Variants in KCNH5 observed in about 807,000 individuals in gnomAD.
KCNH5 encodes the protein potassium voltage-gated channel subfamily H member 5, also known as voltage-gated delayed rectifier potassium channel KCNH5.
Under a neutral mutation model 96.1 loss-of-function variants are expected in KCNH5, and 46 were observed. The ratio of observed to expected loss-of-function variants is 0.48; its 90% CI spans 0.38 to 0.61. The LOEUF is 0.61. KCNH5 is among the 20% of genes least tolerant of loss of function. The probability of loss-of-function intolerance (pLI) is 0.00; values close to 1 mark genes in which losing one functional copy is unlikely to be tolerated. For missense variants in KCNH5, 907 were observed against 1,225.8 expected (o/e 0.74, Z 3.88); for synonymous variants, 439 against 449.8 (o/e 0.98, Z 0.30).
intron 2 of KCNH5, among the ~76,000 whole-genome samples, chr14:63,009,095 A>C (rs913492584): frequency 6.6e-6 from 1 of 152,254 alleles, no homozygotes; most frequent in African/African-American, 2.4e-5. Flanking sequence ...GTGGTTCAAT[A>C]AACTGAAACA....
intron 10 of KCNH5, among the ~76,000 whole-genome samples, chr14:62,754,816 A>G (rs1885583698): frequency 6.6e-6 from 1 of 152,024 alleles, no homozygotes; most frequent in Non-Finnish European, 1.5e-5. Context: ...CAGAGGTTGC[A>G]GTGAGCTGAA....
intron 8 of KCNH5, among the ~76,000 whole-genome samples, chr14:62,820,998 C>T (rs1172145212): frequency 6.6e-6 from 1 of 152,016 alleles, no homozygotes; most frequent in African/African-American, 2.4e-5. Context: ...TTTACACTCC[C>T]ACCAACAGTG....
At chr14:63,039,131 C>G (rs1330151067) in intron 1 of KCNH5, among the ~76,000 whole-genome samples, 2 of 151,942 alleles carry the variant, frequency 1.3e-5, no homozygotes, top group African/African-American at 4.8e-5. Context: ...CCCATTAAAA[C>G]CAAAATTGTG....
intron 8 of KCNH5, among the ~76,000 whole-genome samples, chr14:62,830,684 G>A (rs939959556): frequency 6.6e-6 from 1 of 152,124 alleles, no homozygotes; most frequent in African/African-American, 2.4e-5. Context: ...CCTAAGATGT[G>A]AGTATTAAAA....
chr14:62,949,568 C>G (rs1457163209), intron 7 of KCNH5, among the ~76,000 whole-genome samples: 8 of 152,120 alleles, frequency 5.3e-5, no homozygotes, highest in Admixed American at 3.9e-4. Context: ...CTGTTAAATC[C>G]TAGACACTTC....
In KCNH5 at chr14:62,784,533, C is replaced by T. The variant is rs144567521; in HGVS notation, c.1823-4609G>A. Among the ~76,000 whole-genome samples the T allele has an allele frequency of 2.6e-3, 392 of 152,156 alleles. 2 individuals carry two copies. Among genetic ancestry groups the T allele is most frequent in the African/African-American group, 8.8e-3 (365 of 41,518 alleles). ...CCTACTGTATGTTTTCCAAATTTTT[C>T]TACATTAAAAAACAGCAAACCATTT... On this transcript the variant is annotated intron_variant, in intron 9 of 10. Transcript: ENST00000322893.
At chr14:62,904,505 T>A (rs1372390931) in intron 7 of KCNH5, among the ~76,000 whole-genome samples, 1 of 152,154 alleles carries the variant, frequency 6.6e-6, no homozygotes, top group African/African-American at 2.4e-5. Flanking sequence ...CCTATGGTCC[T>A]CAATGGTTTC....
intron 7 of KCNH5, among the ~76,000 whole-genome samples, chr14:62,941,455 A>G (rs1407939961): frequency 6.6e-6 from 1 of 152,160 alleles, no homozygotes; most frequent in Non-Finnish European, 1.5e-5. Flanking sequence ...CACATCTGAG[A>G]CTGCTAAACC....
intron 7 of KCNH5, among the ~76,000 whole-genome samples, chr14:62,930,424 A>G (rs555412226): frequency 6.6e-6 from 1 of 152,256 alleles, no homozygotes; most frequent in East Asian, 1.9e-4. Flanking sequence ...CATACTGTAT[A>G]AACCTATTTA....
At chr14:62,842,712 T>C (rs1205443952) in intron 8 of KCNH5, among the ~76,000 whole-genome samples, 1 of 152,196 alleles carries the variant, frequency 6.6e-6, no homozygotes, top group Non-Finnish European at 1.5e-5. Flanking sequence ...TTAGACATTC[T>C]GAATCCTAAT....
chr14:62,971,117 T>C (rs1199509531), intron 6 of KCNH5, among the ~76,000 whole-genome samples: 1 of 151,994 alleles, frequency 6.6e-6, no homozygotes. Context: ...ATGTAGAAAA[T>C]ATGAATAAAT....
At chr14:62,792,156 T>C (rs1433980250) in intron 9 of KCNH5, among the ~76,000 whole-genome samples, 7 of 151,594 alleles carry the variant, frequency 4.6e-5, no homozygotes, top group Admixed American at 4.0e-4. Context: ...ATAGTTTTAT[T>C]AGAATAAAAT....
intron 9 of KCNH5, among the ~76,000 whole-genome samples, chr14:62,801,833 C>A (rs933310262): frequency 5.3e-5 from 8 of 152,072 alleles, no homozygotes; most frequent in Non-Finnish European, 1.0e-4. Flanking sequence ...TTAGGTTGAC[C>A]GTGATGAGGG....
intron 6 of KCNH5, 91 bp downstream of exon 6, chr14:62,980,781 A>C: frequency 1.5e-6 from 2 of 1,350,550 alleles, no homozygotes; most frequent in South Asian, 2.9e-5. Context: ...GTGGCTAAAA[A>C]GAGGTTTGGA....
At chr14:63,006,851 A>G (rs937669388) in intron 2 of KCNH5, among the ~76,000 whole-genome samples, 4 of 152,214 alleles carry the variant, frequency 2.6e-5, no homozygotes, top group African/African-American at 9.6e-5. Context: ...AAAGCCTGTC[A>G]GTATTGGAAA....
chr14:62,949,002 A>T (rs528279505), intron 7 of KCNH5, among the ~76,000 whole-genome samples: 2 of 151,116 alleles, frequency 1.3e-5, no homozygotes, highest in East Asian at 3.9e-4. Flanking sequence ...TATTGATGGG[A>T]CATATTTCAA....
At chr14:63,029,708 G>C (rs1241518232) in intron 1 of KCNH5, among the ~76,000 whole-genome samples, 1 of 152,002 alleles carries the variant, frequency 6.6e-6, no homozygotes, top group African/African-American at 2.4e-5. Context: ...GGCTAAATTA[G>C]ATAGAAATTG....
intron 6 of KCNH5, among the ~76,000 whole-genome samples, chr14:62,964,350 G>T (rs1890266551): frequency 6.6e-6 from 1 of 151,980 alleles, no homozygotes; most frequent in African/African-American, 2.4e-5. Flanking sequence ...CCTAACAGCG[G>T]CATTTAGCCC....
chr14:62,873,780 C>T (rs1449498693), intron 7 of KCNH5, among the ~76,000 whole-genome samples: 2 of 152,150 alleles, frequency 1.3e-5, no homozygotes, highest in Non-Finnish European at 2.9e-5. Flanking sequence ...ATGATAACAG[C>T]CCTTAGAATC....
Sources: allele counts gnomAD v4.1 joint callset (sites outside exome capture counted in the v4.1 genomes callset), GRCh38; gene constraint gnomAD v4.1.1; transcripts MANE v1.5; gene names NCBI Gene and HGNC (gene_info 2026-07-23, HGNC 2026-07-21).